TUBE1: variants seen among roughly 807,000 people sequenced by gnomAD.
TUBE1 encodes tubulin epsilon chain.
Under a neutral mutation model 53.5 loss-of-function variants are expected in TUBE1, and 34 were observed. The ratio of observed to expected loss-of-function variants is 0.64; its 90% CI spans 0.48 to 0.85. The LOEUF is 0.85. Ranked by LOEUF, TUBE1 falls within the 40% of genes least tolerant of loss-of-function variation. The pLI is 0.00. For missense variants in TUBE1, 532 were observed against 570.5 expected (o/e 0.93, Z 0.69); for synonymous variants, 177 against 198.4 (o/e 0.89, Z 0.91).
intron 9 of TUBE1, among the ~76,000 whole-genome samples, chr6:112,074,050 T>C (rs938530518): frequency 5.9e-5 from 9 of 152,210 alleles, no homozygotes; most frequent in Non-Finnish European, 1.3e-4. Flanking sequence ...AATTTAGTTT[T>C]CCCTTTCTTA....
Position 112,087,406 on chromosome 6 carries a change from T to G in TUBE1, c.25+4A>C. 15 of 1,550,780 alleles carry G rather than the reference T, an allele frequency of 9.7e-6. No homozygotes were observed. Among genetic ancestry groups the G allele is most frequent in the Non-Finnish European group, 1.2e-5 (14 of 1,146,744 alleles). On this transcript the variant is annotated splice_donor_region_variant and intron_variant, in intron 1 of 11. Coordinates refer to ENST00000368662, the MANE Select transcript of TUBE1 (RefSeq NM_016262.5). The stretch of plus-strand genomic sequence containing the variant: ...CAGGTCTCTACCCGCCCGGCGTAGC[T>G]TACCCTGTACGACCACCGACTGGGT...
intron 8 of TUBE1, chr6:112,075,450 T>C (rs1776949293): frequency 6.6e-6 from 1 of 152,446 alleles, no homozygotes; most frequent in Non-Finnish European, 1.5e-5. Context: ...ACAAACTTTA[T>C]ATTTGAGTTA....
chr6:112,071,005 A>ATAAC lies in TUBE1; in HGVS notation c.*403_*406dup, dbSNP rs1225680864. ...TTTATATTGTGTTCTTCTACTCCCA[A>ATAAC]TAACTACTTTTAAAGAATCAGGATA... On this transcript the variant is annotated 3_prime_UTR_variant, in exon 12 of 12. Transcript: ENST00000368662. The ATAAC allele has an allele frequency of 1.3e-5, 2 of 152,084 alleles. No individual in the cohort carries two copies. Among genetic ancestry groups the ATAAC allele is most frequent in the Non-Finnish European group, 1.5e-5 (1 of 67,970 alleles). The allele number at this position is 152,084 out of a possible 1,614,324, so 9.4% of individuals were successfully genotyped here.
At position 112,082,296 on chromosome 6, in the gene TUBE1, A is replaced by G. The variant is rs117999015; in HGVS notation, c.211-1089T>C. ...AGGTATTTTCAAGCATATTTCTGAC[A>G]ATATGCAATTTTGACCTCAAATGCT... is the stretch of plus-strand genomic sequence containing the variant. On this transcript the variant is annotated intron_variant, in intron 4 of 11. Coordinates refer to ENST00000368662, the MANE Select transcript of TUBE1 (RefSeq NM_016262.5). Among the ~76,000 whole-genome samples, 1,362 of 152,296 alleles carry G rather than the reference A, an allele frequency of 8.9e-3. 18 individuals carry two copies. The highest frequency in any genetic ancestry group is 0.044 in the Middle Eastern group (13 of 294).
At position 112,075,967 on chromosome 6, in the gene TUBE1, A is replaced by C; in HGVS notation, c.782T>G (p.Ile261Ser). ...HKKPFDAMNN[I>S]VANLLLNLTS... ...TAGGTTGAGGAGCAAATTTGCCACA[A>C]TGTTATTCATTGCATCAAAGGGCTT... The change falls in exon 8 of 12, where the codon ATT becomes AGT. Residue 261 changes from isoleucine (I) to serine (S), a missense_variant. Transcript: ENST00000368662. 1 of 1,613,504 alleles carries C rather than the reference A, an allele frequency of 6.2e-7. No individual in the cohort carries two copies. The highest frequency in any genetic ancestry group is 8.5e-7 in the Non-Finnish European group (1 of 1,179,734).
Position 112,071,365 on chromosome 6 carries a change from A to G in TUBE1, c.*47T>C. On this transcript the variant is annotated 3_prime_UTR_variant, in exon 12 of 12. Transcript: ENST00000368662. ...ACAAAAATGTTGAAACAGAAAGGTC[A>G]GAAAAAACAATGTGAAATTAAGAAA... 1 of 1,428,786 alleles carries G rather than the reference A, an allele frequency of 7.0e-7. No individual in the cohort carries two copies. The highest frequency in any genetic ancestry group is 2.4e-5 in the East Asian group (1 of 42,532). The allele number at this position is 1,428,786 out of a possible 1,614,324, so 88.5% of individuals were successfully genotyped here. A position where few individuals can be genotyped will look rare whatever the true frequency, so the allele number is the denominator to read the frequency against.
intron 7 of TUBE1, 104 bp downstream of exon 7, chr6:112,076,218 A>G: frequency 6.8e-7 from 1 of 1,468,668 alleles, no homozygotes; most frequent in Non-Finnish European, 9.2e-7. Flanking sequence ...TTTTTTCTCT[A>G]AGAAGGCTGA....
At position 112,076,439 on chromosome 6, in the gene TUBE1, A is replaced by G; in HGVS notation, c.519T>C (p.Phe173=). The G allele has an allele frequency of 6.2e-7, 1 of 1,613,698 alleles. No homozygotes were observed. The change falls in exon 7 of 12, where the codon TTT becomes TTC. Residue 173 remains phenylalanine, a synonymous_variant. Coordinates refer to ENST00000368662, the MANE Select transcript of TUBE1 (RefSeq NM_016262.5). The part of the protein sequence containing the change: ...LEDEFPEVYR[F]VTSIYPSGED... ...CACCAGAAGGATAAATGGAAGTCACAAATCTGTATACTTCTGGGAATTCGT... is the reference window on the plus strand; with the variant it reads ...CACCAGAAGGATAAATGGAAGTCACGAATCTGTATACTTCTGGGAATTCGT...
intron 3 of TUBE1, among the ~76,000 whole-genome samples, chr6:112,086,136 A>G (rs985192328): frequency 1.1e-4 from 16 of 152,272 alleles, no homozygotes; most frequent in Admixed American, 9.2e-4. Flanking sequence ...CAGATAAAAC[A>G]TATATGGTAC....
At chr6:112,072,986 G>A in intron 9 of TUBE1, 88 bp from the exon 10 acceptor site, 1 of 1,177,356 alleles carries the variant, frequency 8.5e-7, no homozygotes, top group East Asian at 2.5e-5. Flanking sequence ...CTATAAGTAA[G>A]AAACCACACT....
intron 4 of TUBE1, among the ~76,000 whole-genome samples, chr6:112,083,010 C>T (rs1175883357): frequency 1.3e-5 from 2 of 152,058 alleles, no homozygotes; most frequent in Non-Finnish European, 2.9e-5. Context: ...GTTTCCTTCA[C>T]CTCTCAATCT....
At chr6:112,072,723 C>G in intron 10 of TUBE1, 35 bp downstream of exon 10, 1 of 1,605,236 alleles carries the variant, frequency 6.2e-7, no homozygotes, top group African/African-American at 1.3e-5. Context: ...TCCCAAGCAG[C>G]ACACACAAAT....
In TUBE1 at chr6:112,076,398, G is replaced by A; in HGVS notation, c.560C>T (p.Thr187Ile). ...TGCCAAGATGCTATTATAAGGTGAG[G>A]TTATGACATCATCCTCACCAGAAGG... Reference protein sequence around the residue: ...IYPSGEDDVITSPYNSILAMK... With the variant: ...IYPSGEDDVIISPYNSILAMK... The change falls in exon 7 of 12, where the codon ACC (threonine) becomes ATC (isoleucine). Residue 187 changes from threonine (T) to isoleucine (I), a missense_variant. Coordinates refer to ENST00000368662, the MANE Select transcript of TUBE1 (RefSeq NM_016262.5). The A allele has an allele frequency of 6.2e-7, 1 of 1,613,518 alleles. No homozygotes were observed. Among genetic ancestry groups the A allele is most frequent in the South Asian group, 1.1e-5 (1 of 90,974 alleles).
chr6:112,075,488 T>C (rs587602189), intron 8 of TUBE1: 1 of 153,050 alleles, frequency 6.5e-6, no homozygotes, highest in Non-Finnish European at 1.5e-5. Context: ...AATTAGTAAC[T>C]GTAGAAACAA....
intron 6 of TUBE1, 49 bp downstream of exon 6, chr6:112,079,584 C>T: frequency 1.3e-6 from 2 of 1,585,964 alleles, no homozygotes; most frequent in East Asian, 2.3e-5. Flanking sequence ...AAAATGAATT[C>T]CCACTTATCC....
rs1554316016 is a variant in TUBE1, at chr6:112,076,123, A to G, written c.637-11T>C. 5 of 1,605,868 alleles carry G rather than the reference A, an allele frequency of 3.1e-6. No individual in the cohort carries two copies. The highest frequency in any genetic ancestry group is 4.3e-6 in the Non-Finnish European group (5 of 1,175,146). On this transcript the variant is annotated splice_polypyrimidine_tract_variant and intron_variant, in intron 7 of 11. Transcript: ENST00000368662. The stretch of plus-strand genomic sequence containing the variant: ...GATGTCAAATAAAGACTTTTGAGGG[A>G]AAAACATTGGGAGAGAAGCTATTAA...
intron 3 of TUBE1, chr6:112,085,189 ATAAAAATT>A (rs1777128794): frequency 2.0e-5 from 3 of 152,482 alleles, no homozygotes; most frequent in African/African-American, 7.2e-5. Context: ...CTCAAAAGGT[ATAAAAATT>A]TGATAAGAAT....
intron 4 of TUBE1, chr6:112,083,981 C>T: frequency 1.9e-6 from 1 of 529,776 alleles, no homozygotes. Context: ...CTCCTGAAAA[C>T]AGGCTAACTA....
Position 112,071,565 on chromosome 6 carries a change from G to T in TUBE1, c.1275C>A (p.His425Gln). ...RFMRLYKKKA[H>Q]LHHYLQVEGM... ...CTTCAACTTGTAGATAGTGATGAAG[G>T]TGAGCCTATAAATTAAAAAATTAGG... The change falls in exon 12 of 12, where the codon CAC (histidine) becomes CAA (glutamine). Residue 425 changes from histidine (H) to glutamine (Q), a missense_variant. Coordinates refer to ENST00000368662, the MANE Select transcript of TUBE1 (RefSeq NM_016262.5). 2 of 1,602,704 alleles carry T rather than the reference G, an allele frequency of 1.2e-6. No individual in the cohort carries two copies. Among genetic ancestry groups the T allele is most frequent in the Non-Finnish European group, 8.5e-7 (1 of 1,173,308 alleles).
Sources: gnomAD v4.1 joint callset for allele counts (sites outside exome capture counted in the v4.1 genomes callset) on GRCh38, gnomAD v4.1.1 for gene constraint, MANE v1.5 for transcripts, NCBI Gene and HGNC (gene_info 2026-07-23, HGNC 2026-07-21) for gene names.